Variants in ACACB observed in about 807,000 individuals in gnomAD.
ACACB encodes the protein acetyl-CoA carboxylase beta.
Under a neutral mutation model 278.8 loss-of-function variants are expected in ACACB, and 209 were observed. The observed-to-expected ratio is 0.75, with a 90% CI of 0.67 to 0.84. The LOEUF is 0.84. Ranked by LOEUF, ACACB falls within the 40% of genes least tolerant of loss-of-function variation. The pLI, the probability that ACACB is intolerant of heterozygous loss-of-function variation, is 0.00. For synonymous variants in ACACB, 1,174 were observed against 1,285.6 expected, an observed-to-expected ratio of 0.91 and a Z score of 1.86; for missense variants, 2,850 against 3,269.0, an observed-to-expected ratio of 0.87 and a Z score of 3.13.
chr12:109,225,985 A>G (rs796776323), intron 27 of ACACB, among the ~76,000 whole-genome samples: 7 of 152,284 alleles, frequency 4.6e-5, no homozygotes, highest in African/African-American at 1.4e-4. Flanking sequence ...TTAAAATTAT[A>G]GGCCAGGTGA....
chr12:109,250,959 C>G (rs2047078570), intron 41 of ACACB, among the ~76,000 whole-genome samples: 1 of 152,108 alleles, frequency 6.6e-6, no homozygotes, highest in East Asian at 1.9e-4. Flanking sequence ...CTGATTCTTC[C>G]CTTGGGGTGG....
chr12:109,178,696 C>G (rs1476491011), intron 9 of ACACB, among the ~76,000 whole-genome samples: 3 of 152,138 alleles, frequency 2.0e-5, no homozygotes, highest in Non-Finnish European at 4.4e-5. Context: ...AAATATGTTG[C>G]AAGATTGCAA....
At chr12:109,190,478 C>CCA (rs1565903502) in intron 13 of ACACB, among the ~76,000 whole-genome samples, 2 of 152,200 alleles carry the variant, frequency 1.3e-5, no homozygotes, top group Non-Finnish European at 2.9e-5. Context: ...GCCCCTGAGC[C>CCA]GGGTGACAGT....
rs990832993 is a variant in ACACB at position 109,172,270 on chromosome 12, T to C, written c.1036-5T>C. The C allele has an allele frequency of 2.5e-6, 4 of 1,613,644 alleles. No homozygotes were observed. The highest frequency in any genetic ancestry group is 3.4e-6 in the Non-Finnish European group (4 of 1,179,920). ...ATTGTTGCTCACCCCTTTCTGTGTT[T>C]GCAGGCGGTGTGGGCTGGCTGGGGC... On this transcript the variant is annotated splice_polypyrimidine_tract_variant and splice_region_variant and intron_variant, in intron 5 of 52. Transcript: ENST00000338432.
At chr12:109,259,235 C>A in intron 47 of ACACB, 127 bp downstream of exon 47, 1 of 1,203,088 alleles carries the variant, frequency 8.3e-7, no homozygotes, top group Non-Finnish European at 1.2e-6. Flanking sequence ...TCCCAACAAC[C>A]CTGAGGAGAA....
At chr12:109,228,000 C>T (rs1056699164) in intron 28 of ACACB, among the ~76,000 whole-genome samples, 1 of 149,658 alleles carries the variant, frequency 6.7e-6, no homozygotes, top group African/African-American at 2.5e-5. Context: ...CCCCACTGCA[C>T]TCCAGCCTGG....
intron 28 of ACACB, 91 bp from the exon 29 acceptor site, chr12:109,232,578 T>C: frequency 6.7e-7 from 1 of 1,491,070 alleles, no homozygotes; most frequent in African/African-American, 1.4e-5. Context: ...CTAAATCTGG[T>C]CCAGCTCACT....
At chr12:109,209,509 T>C (rs1285412507) in intron 21 of ACACB, among the ~76,000 whole-genome samples, 156 bp downstream of exon 21, 1 of 152,094 alleles carries the variant, frequency 6.6e-6, no homozygotes, top group Non-Finnish European at 1.5e-5. Context: ...TTGAGCCTTG[T>C]CTGCAGAATC....
At chr12:109,254,391 A>G in intron 44 of ACACB, 57 bp downstream of exon 44, 34 of 1,516,930 alleles carry the variant, frequency 2.2e-5, no homozygotes, top group Non-Finnish European at 2.3e-5. Context: ...CTAGGGCTTG[A>G]GACAAAGGAG....
chr12:109,152,705 C>T lies in ACACB; in HGVS notation c.653+12647C>T, dbSNP rs1036257722. Among the ~76,000 whole-genome samples the T allele has an allele frequency of 3.9e-5, 5 of 128,660 alleles. No individual in the cohort carries two copies. In the South Asian group the frequency reaches 7.4e-4, roughly 19 times the overall value. The allele number at this position is 128,660 out of a possible 152,430, so 84.4% of individuals were successfully genotyped here. On this transcript the variant is annotated intron_variant, in intron 2 of 52. Transcript: ENST00000338432. ...CTCTATTCCCCAGGCTGGAGTGTAG[C>T]GAGATCATGGCTCACTGCAGCCTCA...
rs1204462107 is a variant in ACACB, at chr12:109,235,657, A to G, written c.4446+10A>G. The G allele has an allele frequency of 6.2e-7, 1 of 1,607,532 alleles. No homozygotes were observed. The highest frequency in any genetic ancestry group is 1.1e-5 in the South Asian group (1 of 90,542). On this transcript the variant is annotated intron_variant, in intron 33 of 52. Transcript: ENST00000338432. ...CAGAGCAAGAGATGAGGTATGGCCA[A>G]AAGTAATGATGTTTTCTCTTCTCTA...
intron 39 of ACACB, among the ~76,000 whole-genome samples, chr12:109,247,118 A>C (rs980303098): frequency 6.6e-6 from 1 of 152,066 alleles, no homozygotes; most frequent in Admixed American, 6.6e-5. Context: ...AGTTGTATAG[A>C]TACCAGCTTG....
chr12:109,167,091 G>A (rs2043934586), intron 3 of ACACB, 98 bp downstream of exon 3: 1 of 1,539,944 alleles, frequency 6.5e-7, no homozygotes, highest in Non-Finnish European at 8.9e-7. Context: ...GGCTCATTCT[G>A]CCTGCTGCAG....
chr12:109,263,862 C>A (rs912360428), intron 49 of ACACB: 2 of 167,644 alleles, frequency 1.2e-5, no homozygotes, highest in African/African-American at 2.4e-5. Flanking sequence ...TACTAAAAAT[C>A]ATTGATATAG....
chr12:109,173,537 C>G (rs1176214202), intron 6 of ACACB, among the ~76,000 whole-genome samples: 2 of 152,168 alleles, frequency 1.3e-5, no homozygotes, highest in African/African-American at 2.4e-5. Flanking sequence ...ACCCAGGACT[C>G]TCATTATCAG....
intron 29 of ACACB, 72 bp from the exon 30 acceptor site, chr12:109,233,676 T>C: frequency 7.5e-7 from 1 of 1,333,658 alleles, no homozygotes; most frequent in Non-Finnish European, 1.1e-6. Flanking sequence ...CCCTGCTGCC[T>C]GGCTTGGAAG....
intron 45 of ACACB, 109 bp downstream of exon 45, chr12:109,256,345 A>G: frequency 1.2e-6 from 1 of 832,896 alleles, no homozygotes; most frequent in Non-Finnish European, 2.0e-6. Flanking sequence ...TGGCCTCAGG[A>G]TTTTCTAAAA....
intron 2 of ACACB, among the ~76,000 whole-genome samples, chr12:109,158,229 A>G (rs1267638386): frequency 1.3e-5 from 2 of 151,908 alleles, no homozygotes; most frequent in East Asian, 3.9e-4. Flanking sequence ...TAACTACTCA[A>G]CTCTGCTGTT....
At chr12:109,244,806 CTATT>C (rs1226158029) in intron 37 of ACACB, among the ~76,000 whole-genome samples, 3 of 151,908 alleles carry the variant, frequency 2.0e-5, no homozygotes, top group Non-Finnish European at 2.9e-5. Flanking sequence ...CTATATCTAT[CTATT>C]TATCTATCTA....
Sources: allele counts gnomAD v4.1 joint callset (sites outside exome capture counted in the v4.1 genomes callset), GRCh38; gene constraint gnomAD v4.1.1; transcripts MANE v1.5; gene names NCBI Gene and HGNC (gene_info 2026-07-23, HGNC 2026-07-21).